Variants in PPEF2 observed in about 807,000 individuals in gnomAD.
PPEF2 encodes the protein serine/threonine-protein phosphatase with EF-hands 2.
In PPEF2, 84 loss-of-function variants were observed where a neutral mutation model predicts 84.7. That is an observed-to-expected ratio of 0.99 (90% CI 0.83 to 1.19). PPEF2 has a LOEUF of 1.19. Among genes scored for constraint, PPEF2 ranks in the 50% most tolerant of loss-of-function variants. PPEF2 has a pLI of 0.00. For synonymous variants in PPEF2, 346 were observed against 345.2 expected (o/e 1.00, Z -0.03); for missense variants, 924 against 937.5 (o/e 0.99, Z 0.19).
At chr4:75,890,397 G>A (rs1724848517) in intron 4 of PPEF2, among the ~76,000 whole-genome samples, 3 of 150,844 alleles carry the variant, frequency 2.0e-5, no homozygotes, top group Non-Finnish European at 2.9e-5. Context: ...GCTGAGATGG[G>A]AGGATCACAT....
chr4:75,891,513 A>G (rs1049124342), intron 4 of PPEF2, 135 bp downstream of exon 4: 2 of 974,550 alleles, frequency 2.1e-6, no homozygotes, highest in African/African-American at 1.6e-5. Context: ...CCAGTCTGCC[A>G]TTTACTCCTC....
intron 4 of PPEF2, 29 bp downstream of exon 4, chr4:75,891,619 G>A: frequency 6.3e-7 from 1 of 1,582,042 alleles, no homozygotes; most frequent in South Asian, 1.2e-5. Context: ...TGCGACAGGA[G>A]GACATGACAT....
At chr4:75,899,534 C>T (rs945847066) in intron 1 of PPEF2, among the ~76,000 whole-genome samples, 4 of 152,158 alleles carry the variant, frequency 2.6e-5, no homozygotes, top group Admixed American at 6.5e-5. Context: ...CTCATTTCTA[C>T]CCCACTCTCC....
chr4:75,861,019 C>CAG, intron 16 of PPEF2, 99 bp from the exon 17 acceptor site: 26 of 1,331,822 alleles, frequency 2.0e-5, no homozygotes, highest in Non-Finnish European at 2.7e-5. Flanking sequence ...TACTGCTCAA[C>CAG]AGAGAGACAC....
chr4:75,883,423 T>G, intron 8 of PPEF2: 1 of 567,158 alleles, frequency 1.8e-6, no homozygotes, highest in South Asian at 2.4e-5. Flanking sequence ...CTGTATTTCC[T>G]GCTTTACTAT....
intron 14 of PPEF2, 60 bp from the exon 15 acceptor site, chr4:75,866,412 G>A: frequency 1.3e-5 from 20 of 1,579,538 alleles, no homozygotes; most frequent in Non-Finnish European, 1.7e-5. Flanking sequence ...CTGCCCAATG[G>A]TGTGTATATT....
At chr4:75,885,447 C>T (rs2149223675) in intron 7 of PPEF2, among the ~76,000 whole-genome samples, 1 of 152,254 alleles carries the variant, frequency 6.6e-6, no homozygotes, top group Non-Finnish European at 1.5e-5. Context: ...GCACCTGGCC[C>T]CTTCTAGTTA....
chr4:75,892,031 G>C, intron 2 of PPEF2, 53 bp from the exon 3 acceptor site: 1 of 1,596,412 alleles, frequency 6.3e-7, no homozygotes, highest in Non-Finnish European at 8.6e-7. Flanking sequence ...CTGGGCCAGG[G>C]GTTTGGGGGT....
chr4:75,880,130 G>A (rs1002944749), intron 10 of PPEF2, among the ~76,000 whole-genome samples: 7 of 152,048 alleles, frequency 4.6e-5, no homozygotes, highest in African/African-American at 1.7e-4. Flanking sequence ...GCCTGGCCCA[G>A]GTAATTTTAT....
intron 13 of PPEF2, among the ~76,000 whole-genome samples, chr4:75,870,552 G>A (rs1240355873): frequency 6.6e-6 from 1 of 152,190 alleles, no homozygotes; most frequent in East Asian, 1.9e-4. Context: ...AAAGAAGCAT[G>A]TTCAATAGCA....
At chr4:75,866,609 A>T in intron 14 of PPEF2, 1 of 478,502 alleles carries the variant, frequency 2.1e-6, no homozygotes, top group Non-Finnish European at 3.8e-6. Flanking sequence ...CATAAAAATT[A>T]TTTGTTGTCT....
At position 75,867,418 on chromosome 4, in the gene PPEF2, T is replaced by C; in HGVS notation, c.1651A>G (p.Ile551Val). 6.2e-7 allele frequency: 1 copy of C among 1,610,562 alleles called. No homozygotes were observed. Among genetic ancestry groups the C allele is most frequent in the Non-Finnish European group, 8.5e-7 (1 of 1,177,716 alleles). Residue 551 changes from isoleucine (I) to valine (V), a missense_variant and splice_region_variant, in exon 14 of 17, where the codon ATT (isoleucine) becomes GTT (valine). Ile to Val is a conservative substitution (Grantham distance 29). Coordinates refer to ENST00000286719, the MANE Select transcript of PPEF2 (RefSeq NM_006239.3). The stretch of plus-strand genomic sequence containing the variant: ...AGAGCCGACTCCTCCACTCTGCTAA[T>C]CCTGGGACAGGAGATGAAAAGCGAC... The part of the protein sequence containing the change: ...VTHTLTMRQR[I>V]SRVEESALRA...
At chr4:75,861,486 ACCTAC>A (rs1262501499) in intron 16 of PPEF2, among the ~76,000 whole-genome samples, 2 of 149,378 alleles carry the variant, frequency 1.3e-5, no homozygotes, top group African/African-American at 4.9e-5. Flanking sequence ...AAAGCTAGAT[ACCTAC>A]CTAACACTAT....
chr4:75,882,028 T>G (rs1230920276), intron 10 of PPEF2: 1 of 152,150 alleles, frequency 6.6e-6, no homozygotes, highest in Non-Finnish European at 1.5e-5. Context: ...TGTAAGAAAA[T>G]AGAAACTTTG....
intron 6 of PPEF2, 48 bp from the exon 7 acceptor site, chr4:75,886,946 T>C (rs772792683): frequency 2.9e-6 from 3 of 1,033,460 alleles, no homozygotes; most frequent in Admixed American, 5.0e-5. Flanking sequence ...TCCTTACCAG[T>C]GCTTCTGATT....
At chr4:75,898,915 G>C (rs1725064537) in intron 1 of PPEF2, among the ~76,000 whole-genome samples, 3 of 151,960 alleles carry the variant, frequency 2.0e-5, no homozygotes, top group Non-Finnish European at 4.4e-5. Context: ...ATTATTGTTA[G>C]ATATAGTCAT....
intron 16 of PPEF2, among the ~76,000 whole-genome samples, chr4:75,863,941 C>G (rs1023071885): frequency 6.6e-6 from 1 of 151,252 alleles, no homozygotes; most frequent in South Asian, 2.1e-4. Context: ...GGCACGACCT[C>G]GGCTCACTGC....
In PPEF2 at chr4:75,876,732, G is replaced by A. The variant is rs970388888; in HGVS notation, c.934-59C>T. ...AATGAAACTGTAGGCCCAGACAGGT[G>A]TGGTGGCCCACTCCTGTAATCCTAG... is the stretch of plus-strand genomic sequence containing the variant. On this transcript the variant is annotated intron_variant, in intron 10 of 16. Transcript: ENST00000286719. 18 of 1,485,710 alleles carry A rather than the reference G, an allele frequency of 1.2e-5. No homozygotes were observed. In the Admixed American group the frequency reaches 4.2e-4, roughly 35 times the overall value. The allele number at this position is 1,485,710 out of a possible 1,614,324, so 92.0% of individuals were successfully genotyped here. A position where few individuals can be genotyped will look rare whatever the true frequency, so the allele number is the denominator to read the frequency against.
chr4:75,872,324 G>T (rs1724301635), intron 12 of PPEF2, among the ~76,000 whole-genome samples, 157 bp from the exon 13 acceptor site: 1 of 151,974 alleles, frequency 6.6e-6, no homozygotes, highest in African/African-American at 2.4e-5. Flanking sequence ...TTTTCTAAAG[G>T]CATCAATGCT....
Sources: allele counts gnomAD v4.1 joint callset (sites outside exome capture counted in the v4.1 genomes callset), GRCh38; gene constraint gnomAD v4.1.1; transcripts MANE v1.5; gene names NCBI Gene and HGNC (gene_info 2026-07-23, HGNC 2026-07-21).